Variants in PGR observed in about 807,000 individuals in gnomAD.
PGR encodes the protein progesterone receptor.
A neutral mutation model predicts 76.1 loss-of-function variants in PGR; 25 were observed. The ratio of observed to expected loss-of-function variants is 0.33; its 90% CI spans 0.24 to 0.46. The LOEUF (loss-of-function observed/expected upper bound fraction) is 0.46. PGR is among the 20% of genes least tolerant of loss of function. The probability of loss-of-function intolerance (pLI) is 1.00; values close to 1 mark genes in which losing one functional copy is unlikely to be tolerated. For missense variants in PGR, 1,172 were observed against 1,225.3 expected (o/e 0.96, Z 0.65); for synonymous variants, 579 against 535.0 (o/e 1.08, Z -1.14).
rs1237270731 is a variant in PGR at position 101,040,067 on chromosome 11, GA to G, written c.2647-797del. ...CAATATCCAGCATTTATATCATAAA[GA>G]TTTTTTTATGGTTTTCTGCTGGATT... On this transcript the variant is annotated intron_variant, in intron 7 of 7. Coordinates refer to ENST00000325455, the MANE Select transcript of PGR (RefSeq NM_000926.4). 4.0e-5 allele frequency among the ~76,000 whole-genome samples: 6 copies of G among 151,504 alleles called. No individual in the cohort carries two copies. In the East Asian group the frequency reaches 7.7e-4, roughly 20 times the overall value.
chr11:101,106,793 T>C (rs185057587), intron 2 of PGR, among the ~76,000 whole-genome samples: 240 of 152,244 alleles, frequency 1.6e-3, no homozygotes, highest in Non-Finnish European at 2.8e-3. Context: ...CTATTCACAA[T>C]AGCAAAGACT....
intron 3 of PGR, among the ~76,000 whole-genome samples, chr11:101,068,688 G>C (rs1458069346): frequency 6.6e-6 from 1 of 151,802 alleles, no homozygotes; most frequent in Non-Finnish European, 1.5e-5. Flanking sequence ...CAATAGAACA[G>C]AACAGAGGCC....
At chr11:101,052,244 C>A (rs931362237) in intron 4 of PGR, among the ~76,000 whole-genome samples, 1 of 150,234 alleles carries the variant, frequency 6.7e-6, no homozygotes, top group Non-Finnish European at 1.5e-5. Context: ...TTTTAAACTT[C>A]CGTGTGGCTT....
At chr11:101,070,494 G>T (rs1180386065) in intron 3 of PGR, among the ~76,000 whole-genome samples, 2 of 152,168 alleles carry the variant, frequency 1.3e-5, no homozygotes, top group African/African-American at 4.8e-5. Flanking sequence ...TCCCCTGGAA[G>T]GGGGGCTGAA....
At chr11:101,039,692 C>A (rs1281476639) in intron 7 of PGR, among the ~76,000 whole-genome samples, 1 of 151,856 alleles carries the variant, frequency 6.6e-6, no homozygotes, top group Non-Finnish European at 1.5e-5. Context: ...TGCCAATAAT[C>A]CAACATCGTT....
chr11:101,120,403 T>C (rs914970609), intron 2 of PGR, among the ~76,000 whole-genome samples: 2 of 152,194 alleles, frequency 1.3e-5, no homozygotes, highest in African/African-American at 4.8e-5. Flanking sequence ...TGTATCAAAA[T>C]ACTTCAATAT....
intron 2 of PGR, among the ~76,000 whole-genome samples, chr11:101,107,553 A>T (rs552330856): frequency 4.3e-4 from 65 of 152,312 alleles, no homozygotes; most frequent in African/African-American, 1.5e-3. Context: ...TTGACCTCAC[A>T]TACTATTGAG....
In PGR at chr11:101,037,022, A is replaced by G. The variant is rs1859537455; in HGVS notation, c.*2094T>C. On this transcript the variant is annotated 3_prime_UTR_variant, in exon 8 of 8. Coordinates refer to ENST00000325455, the MANE Select transcript of PGR (RefSeq NM_000926.4). The stretch of plus-strand genomic sequence containing the variant: ...TTCATTTTCTTGTGTCACACAGTTC[A>G]TTCTGAGAGGTGTCACTCTCACAGA... The G allele has an allele frequency of 5.1e-6, 1 of 195,480 alleles. No individual in the cohort carries two copies. Among genetic ancestry groups the G allele is most frequent in the Non-Finnish European group, 1.1e-5 (1 of 94,016 alleles). The allele number at this position is 195,480 out of a possible 1,614,324, so 12.1% of individuals were successfully genotyped here.
chr11:101,077,318 A>G (rs1467241045), intron 3 of PGR, among the ~76,000 whole-genome samples: 1 of 152,120 alleles, frequency 6.6e-6, no homozygotes, highest in South Asian at 2.1e-4. Flanking sequence ...AATCCTTTAT[A>G]GCACTGATAG....
At chr11:101,041,437 T>C (rs1030893095) in intron 7 of PGR, among the ~76,000 whole-genome samples, 1 of 152,086 alleles carries the variant, frequency 6.6e-6, no homozygotes, top group Non-Finnish European at 1.5e-5. Flanking sequence ...TCTGCTATGG[T>C]GAACATCCTT....
chr11:101,092,815 T>C (rs1861714892), intron 2 of PGR, among the ~76,000 whole-genome samples: 1 of 152,192 alleles, frequency 6.6e-6, no homozygotes, highest in African/African-American at 2.4e-5. Context: ...GTGAGTCTTT[T>C]AATATCATCA....
At chr11:101,113,375 C>A (rs1054826170) in intron 2 of PGR, among the ~76,000 whole-genome samples, 6 of 151,920 alleles carry the variant, frequency 3.9e-5, no homozygotes, top group Non-Finnish European at 8.8e-5. Context: ...CATTCTCCTG[C>A]CTCAGCCTCC....
intron 4 of PGR, among the ~76,000 whole-genome samples, chr11:101,061,810 G>T (rs536515151): frequency 6.6e-6 from 1 of 152,222 alleles, no homozygotes; most frequent in South Asian, 2.1e-4. Context: ...GCTGTGCTGA[G>T]GGAGCAAAAA....
intron 3 of PGR, 38 bp from the exon 4 acceptor site, chr11:101,062,790 T>C (rs1415085477): frequency 9.4e-6 from 13 of 1,389,426 alleles, no homozygotes; most frequent in Middle Eastern, 1.8e-4. Flanking sequence ...TGTAAATATA[T>C]ATAAACTCCA....
chr11:101,087,737 C>CAAA (rs36071780), intron 3 of PGR, among the ~76,000 whole-genome samples: 2 of 143,986 alleles, frequency 1.4e-5, no homozygotes, highest in Non-Finnish European at 3.1e-5. Flanking sequence ...GTTGAACAAG[C>CAAA]AAAAAAAAAA....
rs1200921274 is a variant in PGR at position 101,035,830 on chromosome 11, TA to T, written c.*3285del. The T allele has an allele frequency of 2.6e-5, 6 of 231,768 alleles. No individual in the cohort carries two copies. The highest frequency in any genetic ancestry group is 5.6e-5 in the Admixed American group (1 of 17,758). 14.4% of individuals were successfully genotyped at this position (231,768 alleles called of 1,614,324 possible). ...ATATCATAGCACATGGTGACATAAA[TA>T]AAACAGTGAGACTTTCTAGAATCCT... On this transcript the variant is annotated 3_prime_UTR_variant, in exon 8 of 8. Coordinates refer to ENST00000325455, the MANE Select transcript of PGR (RefSeq NM_000926.4).
chr11:101,104,114 T>C (rs1002007489), intron 2 of PGR, among the ~76,000 whole-genome samples: 2 of 152,226 alleles, frequency 1.3e-5, no homozygotes, highest in Non-Finnish European at 2.9e-5. Context: ...CCAACATTGT[T>C]CTAGGTGCTG....
At position 101,100,765 on chromosome 11, in the gene PGR, T is replaced by C. The variant is rs551008051; in HGVS notation, c.1790-8889A>G. Among the ~76,000 whole-genome samples, 9 of 152,222 alleles carry C rather than the reference T, an allele frequency of 5.9e-5. No homozygotes were observed. The South Asian group carries it at 1.9e-3, about 32-fold the overall frequency. On this transcript the variant is annotated intron_variant, in intron 2 of 7. Coordinates refer to ENST00000325455, the MANE Select transcript of PGR (RefSeq NM_000926.4). ...GACATTTCACAATATCTGGAGACAA[T>C]TTTGGTTTATGCAACTAGAGGGTAG...
Position 101,077,301 on chromosome 11 carries a change from C to T in PGR, c.1906+14459G>A, listed in dbSNP as rs1004287960. On this transcript the variant is annotated intron_variant, in intron 3 of 7. Coordinates refer to ENST00000325455, the MANE Select transcript of PGR (RefSeq NM_000926.4). ...CTGGGATCAGTCCACTGGCACTACA[C>T]TTTAACAATCCTTTATAGCACTGAT... Among the ~76,000 whole-genome samples, 7 of 152,220 alleles carry T rather than the reference C, an allele frequency of 4.6e-5. No homozygotes were observed. In the East Asian group the frequency reaches 1.2e-3, roughly 25 times the overall value.
Sources: allele counts gnomAD v4.1 joint callset (sites outside exome capture counted in the v4.1 genomes callset), GRCh38; gene constraint gnomAD v4.1.1; transcripts MANE v1.5; gene names NCBI Gene and HGNC (gene_info 2026-07-23, HGNC 2026-07-21).